Variants in ST6GALNAC3 observed in about 807,000 individuals in gnomAD.
ST6GALNAC3 encodes the protein ST6 N-acetylgalactosaminide alpha-2,6-sialyltransferase 3, also known as alpha-N-acetylgalactosaminide alpha-2,6-sialyltransferase 3.
A neutral mutation model predicts 32.7 loss-of-function variants in ST6GALNAC3; 25 were observed. That is an observed-to-expected ratio of 0.76 (90% CI 0.56 to 1.07). ST6GALNAC3 has a LOEUF of 1.07. Among genes scored for constraint, ST6GALNAC3 ranks in the 50% least tolerant of loss-of-function variants. The pLI is 0.00. For missense variants in ST6GALNAC3, 355 were observed against 382.4 expected (o/e 0.93, Z 0.60); for synonymous variants, 129 against 133.1 (o/e 0.97, Z 0.21).
At chr1:76,625,113 C>A (rs1300286523) in intron 3 of ST6GALNAC3, among the ~76,000 whole-genome samples, 1 of 151,926 alleles carries the variant, frequency 6.6e-6, no homozygotes, top group Non-Finnish European at 1.5e-5. Flanking sequence ...AATATGAAAC[C>A]AGATATCCTC....
Position 76,227,640 on chromosome 1 carries a change from T to C in ST6GALNAC3, c.19-86165T>C, listed in dbSNP as rs147090624. Among the ~76,000 whole-genome samples, 862 of 152,354 alleles carry C rather than the reference T, an allele frequency of 5.7e-3. 15 individuals are homozygous for C. Among genetic ancestry groups the C allele is most frequent in the African/African-American group, 0.02 (812 of 41,588 alleles). On this transcript the variant is annotated intron_variant, in intron 1 of 4. Coordinates refer to ENST00000328299, the MANE Select transcript of ST6GALNAC3 (RefSeq NM_152996.4). ...TATTTAAATCCCAATTACTGGAATGTATTTTAACAATAGTTTAGTCTGTAC... is the reference window on the plus strand; with the variant it reads ...TATTTAAATCCCAATTACTGGAATGCATTTTAACAATAGTTTAGTCTGTAC...
chr1:76,333,587 T>C (rs1647251046), intron 2 of ST6GALNAC3, among the ~76,000 whole-genome samples: 1 of 152,238 alleles, frequency 6.6e-6, no homozygotes, highest in Non-Finnish European at 1.5e-5. Context: ...TCATCATCAG[T>C]TAAAATTTTT....
chr1:76,358,416 T>C (rs1180290358), intron 2 of ST6GALNAC3, among the ~76,000 whole-genome samples: 1 of 152,184 alleles, frequency 6.6e-6, no homozygotes, highest in Admixed American at 6.5e-5. Context: ...CTGTATTAAG[T>C]CAAAATTCTG....
chr1:76,337,005 G>A (rs1021443177), intron 2 of ST6GALNAC3, among the ~76,000 whole-genome samples: 2 of 152,172 alleles, frequency 1.3e-5, no homozygotes, highest in Non-Finnish European at 2.9e-5. Flanking sequence ...GGAGACAAGC[G>A]GGGCTGACTT....
At chr1:76,498,298 C>T (rs1262535292) in intron 3 of ST6GALNAC3, among the ~76,000 whole-genome samples, 1 of 152,164 alleles carries the variant, frequency 6.6e-6, no homozygotes, top group African/African-American at 2.4e-5. Flanking sequence ...ATTTTCATCA[C>T]CAGTTTGCTC....
rs945108873 is a variant in ST6GALNAC3 at position 76,628,950 on chromosome 1, G to T, written c.*144G>T. On this transcript the variant is annotated 3_prime_UTR_variant, in exon 5 of 5. Coordinates refer to ENST00000328299, the MANE Select transcript of ST6GALNAC3 (RefSeq NM_152996.4). ...TCCTGTACACTCTCAGATGTGGATG[G>T]TGACTCTGCTAGTAATTTAAACTTG... 6 of 1,454,830 alleles carry T rather than the reference G, an allele frequency of 4.1e-6. No homozygotes were observed. The highest frequency in any genetic ancestry group is 1.5e-5 in the South Asian group (1 of 66,656). The allele number at this position is 1,454,830 out of a possible 1,614,324, so 90.1% of individuals were successfully genotyped here.
chr1:76,452,702 G>T (rs1376192304), intron 3 of ST6GALNAC3, among the ~76,000 whole-genome samples: 1 of 152,044 alleles, frequency 6.6e-6, no homozygotes, highest in African/African-American at 2.4e-5. Context: ...ATGGATATTT[G>T]CACCTATGTT....
chr1:76,533,026 A>G (rs1663353682), intron 3 of ST6GALNAC3, among the ~76,000 whole-genome samples: 1 of 152,144 alleles, frequency 6.6e-6, no homozygotes. Flanking sequence ...CCTAAAAGAT[A>G]TTTAATTTCC....
At chr1:76,106,910 A>G (rs946815583) in intron 1 of ST6GALNAC3, among the ~76,000 whole-genome samples, 12 of 152,254 alleles carry the variant, frequency 7.9e-5, no homozygotes, top group African/African-American at 2.9e-4. Flanking sequence ...TAACATGGAT[A>G]CATTTCCCGT....
chr1:76,295,473 T>G (rs958404546), intron 1 of ST6GALNAC3, among the ~76,000 whole-genome samples: 1 of 152,072 alleles, frequency 6.6e-6, no homozygotes, highest in African/African-American at 2.4e-5. Flanking sequence ...TCCCTAGTGA[T>G]GTAGGATGAC....
chr1:76,583,160 A>G (rs1009701578), intron 3 of ST6GALNAC3, among the ~76,000 whole-genome samples: 1 of 152,172 alleles, frequency 6.6e-6, no homozygotes, highest in African/African-American at 2.4e-5. Context: ...CATATGGCAA[A>G]TGTTCTCAGC....
At chr1:76,096,760 C>T (rs1480438503) in intron 1 of ST6GALNAC3, among the ~76,000 whole-genome samples, 2 of 152,094 alleles carry the variant, frequency 1.3e-5, no homozygotes, top group African/African-American at 4.8e-5. Flanking sequence ...ACTTTCAACC[C>T]TTCCCGTCTT....
chr1:76,486,748 G>A (rs946406562), intron 3 of ST6GALNAC3, among the ~76,000 whole-genome samples: 1 of 152,146 alleles, frequency 6.6e-6, no homozygotes, highest in Admixed American at 6.6e-5. Flanking sequence ...ATTGTTATGT[G>A]TGAATTTGAT....
chr1:76,397,496 A>C (rs1003791830), intron 2 of ST6GALNAC3, among the ~76,000 whole-genome samples: 1 of 150,868 alleles, frequency 6.6e-6, no homozygotes, highest in Non-Finnish European at 1.5e-5. Flanking sequence ...CAGCCTCCCG[A>C]GTAACTGGGA....
intron 3 of ST6GALNAC3, among the ~76,000 whole-genome samples, chr1:76,584,967 C>T (rs1390039491): frequency 6.6e-6 from 1 of 152,074 alleles, no homozygotes; most frequent in African/African-American, 2.4e-5. Flanking sequence ...AGCCTGGGTC[C>T]CAGAGTGAAG....
At chr1:76,447,932 G>A (rs887926141) in intron 3 of ST6GALNAC3, among the ~76,000 whole-genome samples, 8 of 152,308 alleles carry the variant, frequency 5.3e-5, no homozygotes, top group Middle Eastern at 3.4e-3. Flanking sequence ...CCCCCACAGA[G>A]AGTCCTTACT....
At chr1:76,122,486 C>T (rs1055717927) in intron 1 of ST6GALNAC3, among the ~76,000 whole-genome samples, 1 of 152,196 alleles carries the variant, frequency 6.6e-6, no homozygotes, top group Admixed American at 6.5e-5. Flanking sequence ...CGTCCACTCT[C>T]TGGCAAAGCA....
At chr1:76,106,253 C>A (rs1647523983) in intron 1 of ST6GALNAC3, among the ~76,000 whole-genome samples, 1 of 152,106 alleles carries the variant, frequency 6.6e-6, no homozygotes, top group South Asian at 2.1e-4. Context: ...ATTTGTAAGA[C>A]TAAAAATGTT....
At chr1:76,554,476 T>C (rs1664805902) in intron 3 of ST6GALNAC3, among the ~76,000 whole-genome samples, 1 of 150,672 alleles carries the variant, frequency 6.6e-6, no homozygotes, top group Non-Finnish European at 1.5e-5. Context: ...GTGGGGCATG[T>C]TATTTCTTGA....
Sources: gnomAD v4.1 joint callset for allele counts (sites outside exome capture counted in the v4.1 genomes callset) on GRCh38, gnomAD v4.1.1 for gene constraint, MANE v1.5 for transcripts, NCBI Gene and HGNC (gene_info 2026-07-23, HGNC 2026-07-21) for gene names.